Variants in DMGDH observed in about 807,000 individuals in gnomAD.
DMGDH encodes the protein dimethylglycine dehydrogenase, also known as dimethylglycine dehydrogenase, mitochondrial.
Under a neutral mutation model 95.2 loss-of-function variants are expected in DMGDH, and 76 were observed. The ratio of observed to expected loss-of-function variants is 0.80; its 90% confidence interval spans 0.66 to 0.97. The LOEUF is 0.97. Ranked by LOEUF, DMGDH falls within the 50% of genes least tolerant of loss-of-function variation. The probability of loss-of-function intolerance (pLI) is 0.00; values close to 1 mark genes in which losing one functional copy is unlikely to be tolerated. For missense variants in DMGDH, 987 were observed against 1,055.0 expected (o/e 0.94, Z 0.89); for synonymous variants, 345 against 377.6 (o/e 0.91, Z 1.00).
At chr5:79,042,977 G>A (rs1754558450) in intron 6 of DMGDH, among the ~76,000 whole-genome samples, 1 of 152,176 alleles carries the variant, frequency 6.6e-6, no homozygotes, top group African/African-American at 2.4e-5. Flanking sequence ...GAAAGGAATG[G>A]TGTGGAGGCC....
chr5:79,041,494 G>A (rs1174673286), intron 7 of DMGDH, among the ~76,000 whole-genome samples: 1 of 152,070 alleles, frequency 6.6e-6, no homozygotes, highest in Non-Finnish European at 1.5e-5. Context: ...AGCAACCTGA[G>A]GACTTATAAA....
chr5:79,049,073 T>C (rs1754761226), intron 5 of DMGDH, among the ~76,000 whole-genome samples: 1 of 152,158 alleles, frequency 6.6e-6, no homozygotes, highest in Non-Finnish European at 1.5e-5. Context: ...TACCAGGGAC[T>C]TGTTTTCCAG....
At chr5:79,065,377 A>G (rs1182287150) in intron 1 of DMGDH, among the ~76,000 whole-genome samples, 1 of 151,366 alleles carries the variant, frequency 6.6e-6, no homozygotes, top group African/African-American at 2.4e-5. Flanking sequence ...ACGCCCAGCT[A>G]ATTTTTGTAT....
At chr5:79,050,266 AAAAAAAAATATATATATAT>A (rs1330311769) in intron 5 of DMGDH, among the ~76,000 whole-genome samples, 133 of 56,062 alleles carry the variant, frequency 2.4e-3, no homozygotes, top group African/African-American at 9.5e-3. Context: ...AAAAAAAAAA[AAAAAAAAATATATATATAT>A]ATATATATAT....
At chr5:79,059,883 T>C (rs1408499331) in intron 2 of DMGDH, among the ~76,000 whole-genome samples, 1 of 152,232 alleles carries the variant, frequency 6.6e-6, no homozygotes, top group Non-Finnish European at 1.5e-5. Flanking sequence ...GAAACCTGTA[T>C]GTAATACAAC....
chr5:79,069,599 G>A lies in DMGDH; in HGVS notation c.22C>T (p.Leu8=). Residue 8 remains leucine (L), a synonymous_variant, in exon 1 of 16, where the codon CTG becomes TTG. Transcript: ENST00000255189. ...CTCCGCAGCAGGAGGCCCCGCAGCAGCTGCGCGCCGGGACGGAGCATGACT... is the reference window on the plus strand; with the variant it reads ...CTCCGCAGCAGGAGGCCCCGCAGCAACTGCGCGCCGGGACGGAGCATGACT... MLRPGAQ[L]LRGLLLRSCP... The A allele has an allele frequency of 7.3e-7, 1 of 1,369,090 alleles. No individual in the cohort carries two copies. The allele number at this position is 1,369,090 out of a possible 1,614,324, so 84.8% of individuals were successfully genotyped here. A position where few individuals can be genotyped will look rare whatever the true frequency, so the allele number is the denominator to read the frequency against.
At chr5:79,046,748 A>G (rs1464715998) in intron 5 of DMGDH, among the ~76,000 whole-genome samples, 1 of 152,250 alleles carries the variant, frequency 6.6e-6, no homozygotes, top group East Asian at 1.9e-4. Flanking sequence ...ACAAAAATAT[A>G]GTAAAGCCAC....
Position 79,044,435 on chromosome 5 carries a change from A to T in DMGDH, c.863T>A (p.Leu288Gln). ...TCCTTCCAGGTCACGGAGCACAGGCAGTTCTCGTTTCAAAGCTTTCACTTC... is the reference window on the plus strand; with the variant it reads ...TCCTTCCAGGTCACGGAGCACAGGCTGTTCTCGTTTCAAAGCTTTCACTTC... ...ISEVKALKRE[L>Q]PVLRDLEGSY... Residue 288 changes from leucine to glutamine, a missense_variant, in exon 6 of 16, where the codon CTG (leucine) becomes CAG (glutamine). Physicochemically the swap from Leu to Gln is moderately radical, Grantham distance 113. Transcript: ENST00000255189. 8.1e-6 allele frequency: 13 copies of T among 1,614,216 alleles called. No individual in the cohort carries two copies. The highest frequency in any genetic ancestry group is 1.1e-5 in the Non-Finnish European group (13 of 1,180,032).
At chr5:79,023,957 A>G (rs1374457286) in intron 14 of DMGDH, among the ~76,000 whole-genome samples, 1 of 152,194 alleles carries the variant, frequency 6.6e-6, no homozygotes, top group Non-Finnish European at 1.5e-5. Context: ...AACATGGCGC[A>G]CTTCCAACAT....
chr5:79,047,734 C>T (rs1431533154), intron 5 of DMGDH, among the ~76,000 whole-genome samples: 3 of 152,080 alleles, frequency 2.0e-5, no homozygotes, highest in African/African-American at 2.4e-5. Context: ...CTGCTAGCTC[C>T]GAATACAGTC....
At chr5:79,029,772 A>AG (rs1754102805) in intron 11 of DMGDH, 132 bp downstream of exon 11, 5 of 979,256 alleles carry the variant, frequency 5.1e-6, no homozygotes, top group Non-Finnish European at 7.5e-6. Flanking sequence ...AAAAAAATAA[A>AG]GTTTATTTGA....
Position 79,026,417 on chromosome 5 carries a change from T to C in DMGDH, c.2190+7A>G. On this transcript the variant is annotated splice_region_variant and intron_variant, in intron 13 of 15. Transcript: ENST00000255189. ...AAAATGTTAATAAAGATGCTAGCATTTCAAACCTCTAACCCCCAGGCTCTG... is the reference window on the plus strand; with the variant it reads ...AAAATGTTAATAAAGATGCTAGCATCTCAAACCTCTAACCCCCAGGCTCTG... 1 of 1,614,070 alleles carries C rather than the reference T, an allele frequency of 6.2e-7. No individual in the cohort carries two copies. Among genetic ancestry groups the C allele is most frequent in the Non-Finnish European group, 8.5e-7 (1 of 1,179,978 alleles).
At chr5:79,015,594 G>A (rs1753716985) in intron 14 of DMGDH, among the ~76,000 whole-genome samples, 1 of 152,172 alleles carries the variant, frequency 6.6e-6, no homozygotes, top group Non-Finnish European at 1.5e-5. Context: ...CCCTGAGCTG[G>A]GTGTTGGGGA....
chr5:79,050,285 T>A (rs200265287), intron 5 of DMGDH, among the ~76,000 whole-genome samples: 61 of 61,610 alleles, frequency 9.9e-4, no homozygotes, highest in African/African-American at 2.0e-3. Flanking sequence ...TATATATATA[T>A]ATATATATAT....
chr5:79,042,660 C>G (rs1284364075), intron 6 of DMGDH, among the ~76,000 whole-genome samples, 179 bp from the exon 7 acceptor site: 3 of 152,040 alleles, frequency 2.0e-5, no homozygotes, highest in Non-Finnish European at 2.9e-5. Flanking sequence ...ATTTATATTA[C>G]TGAAAACAAT....
intron 7 of DMGDH, among the ~76,000 whole-genome samples, chr5:79,038,438 C>T (rs555197957): frequency 2.4e-4 from 36 of 152,166 alleles, no homozygotes; most frequent in African/African-American, 4.8e-5. Flanking sequence ...CAGACAAGAT[C>T]GTGCCATTCC....
In DMGDH at chr5:79,051,260, C is replaced by T. The variant is rs150778698; in HGVS notation, c.745+27G>A. On this transcript the variant is annotated intron_variant, in intron 5 of 15. Coordinates refer to ENST00000255189, the MANE Select transcript of DMGDH (RefSeq NM_013391.3). ...TTCTTTCTTTGGCACTTAAAAAACACTAATTTCAAAAAAATGATATGCTTA... is the reference window on the plus strand; with the variant it reads ...TTCTTTCTTTGGCACTTAAAAAACATTAATTTCAAAAAAATGATATGCTTA... 4,976 of 1,610,612 alleles carry T rather than the reference C, an allele frequency of 3.1e-3. 35 individuals are homozygous for T. Among genetic ancestry groups the T allele is most frequent in the Middle Eastern group, 0.011 (68 of 6,054 alleles).
At position 78,997,997 on chromosome 5, in the gene DMGDH, C is replaced by T. The variant is rs1209301158; in HGVS notation, c.*85G>A. On this transcript the variant is annotated 3_prime_UTR_variant, in exon 16 of 16. Coordinates refer to ENST00000255189, the MANE Select transcript of DMGDH (RefSeq NM_013391.3). ...TGATTTTGAAATGAATTCCTGGTTT[C>T]CTCTATTCCCCTGGGAGCCAGTTAT... 2.9e-6 allele frequency: 4 copies of T among 1,389,248 alleles called. No individual in the cohort carries two copies. The highest frequency in any genetic ancestry group is 1.4e-5 in the African/African-American group (1 of 69,674). 86.1% of individuals were successfully genotyped at this position (1,389,248 alleles called of 1,614,324 possible).
chr5:79,050,040 T>C (rs1043321152), intron 5 of DMGDH, among the ~76,000 whole-genome samples: 4 of 151,708 alleles, frequency 2.6e-5, no homozygotes, highest in African/African-American at 9.7e-5. Flanking sequence ...GTAGATCACC[T>C]GAGGTCAGGA....
Sources: allele counts gnomAD v4.1 joint callset (sites outside exome capture counted in the v4.1 genomes callset), GRCh38; gene constraint gnomAD v4.1.1; transcripts MANE v1.5; gene names NCBI Gene and HGNC (gene_info 2026-07-23, HGNC 2026-07-21).